RBM20: variants seen among roughly 807,000 people sequenced by gnomAD.
The protein encoded by RBM20 is RNA binding motif protein 20.
Under a neutral mutation model 110.1 loss-of-function variants are expected in RBM20, and 51 were observed. The observed-to-expected ratio is 0.46, with a 90% confidence interval of 0.37 to 0.59. The LOEUF (loss-of-function observed/expected upper bound fraction) is 0.59. RBM20 is among the 20% of genes least tolerant of loss of function. The pLI, the probability that RBM20 is intolerant of heterozygous loss-of-function variation, is 0.00. For synonymous variants in RBM20, 589 were observed against 618.2 expected, an observed-to-expected ratio of 0.95 and a Z score of 0.70; for missense variants, 1,512 against 1,574.9, an observed-to-expected ratio of 0.96 and a Z score of 0.68.
chr10:110,660,950 A>C (rs1294171088), intron 1 of RBM20, among the ~76,000 whole-genome samples: 9 of 151,976 alleles, frequency 5.9e-5, no homozygotes, highest in Non-Finnish European at 1.3e-4. Context: ...TAATTTACTC[A>C]TTTATTATGT....
intron 10 of RBM20, among the ~76,000 whole-genome samples, chr10:110,820,416 G>C (rs1395787700): frequency 6.6e-6 from 1 of 152,174 alleles, no homozygotes; most frequent in East Asian, 1.9e-4. Flanking sequence ...CCAGCAATTT[G>C]GCTGTGTTCC....
chr10:110,658,993 C>T (rs1238026556), intron 1 of RBM20, among the ~76,000 whole-genome samples: 1 of 152,184 alleles, frequency 6.6e-6, no homozygotes, highest in Non-Finnish European at 1.5e-5. Flanking sequence ...CATGCAAAGT[C>T]CTTGCAGTCA....
chr10:110,829,179 C>T (rs916876451), intron 12 of RBM20, among the ~76,000 whole-genome samples: 1 of 152,186 alleles, frequency 6.6e-6, no homozygotes, highest in Non-Finnish European at 1.5e-5. Flanking sequence ...GCGGGGGTCT[C>T]GGCTCCCTGC....
chr10:110,768,216 C>T (rs1006332092), intron 1 of RBM20, among the ~76,000 whole-genome samples: 7 of 150,932 alleles, frequency 4.6e-5, no homozygotes, highest in African/African-American at 1.5e-4. Context: ...AGAGGTAGAC[C>T]GTGGAAAGAG....
intron 1 of RBM20, among the ~76,000 whole-genome samples, chr10:110,645,058 C>A (rs1430178166): frequency 6.6e-6 from 1 of 152,176 alleles, no homozygotes; most frequent in African/African-American, 2.4e-5. Flanking sequence ...TTAAACCACC[C>A]TTCATGGTGC....
At chr10:110,785,068 TTACAGGTGGC>T (rs1440924196) in intron 5 of RBM20, among the ~76,000 whole-genome samples, 179 bp downstream of exon 5, 4 of 152,144 alleles carry the variant, frequency 2.6e-5, no homozygotes, top group Non-Finnish European at 5.9e-5. Flanking sequence ...AGTGCTGGAA[TTACAGGTGGC>T]CAAAGTGCTA....
At chr10:110,795,005 A>G (rs1844531695) in intron 5 of RBM20, among the ~76,000 whole-genome samples, 1 of 152,234 alleles carries the variant, frequency 6.6e-6, no homozygotes, top group Non-Finnish European at 1.5e-5. Context: ...CAGGAGCAGG[A>G]TAGGCCTGGA....
At chr10:110,706,437 C>T (rs181275740) in intron 1 of RBM20, among the ~76,000 whole-genome samples, 48 of 152,362 alleles carry the variant, frequency 3.2e-4, no homozygotes, top group Non-Finnish European at 4.8e-4. Context: ...TGGAGCTCAG[C>T]GTGACCAGTC....
chr10:110,787,418 G>A (rs1160696558), intron 5 of RBM20, among the ~76,000 whole-genome samples: 1 of 152,154 alleles, frequency 6.6e-6, no homozygotes, highest in Admixed American at 6.5e-5. Flanking sequence ...AGTAACGAGC[G>A]CTTTTAACCC....
intron 1 of RBM20, among the ~76,000 whole-genome samples, 198 bp from the exon 2 acceptor site, chr10:110,780,603 A>G (rs1404992104): frequency 7.0e-6 from 1 of 142,740 alleles, no homozygotes; most frequent in African/African-American, 2.6e-5. Flanking sequence ...GTTCTGTCAT[A>G]TAATTTTTCC....
intron 1 of RBM20, among the ~76,000 whole-genome samples, chr10:110,738,083 G>A (rs1226722546): frequency 6.6e-6 from 1 of 152,176 alleles, no homozygotes; most frequent in Non-Finnish European, 1.5e-5. Context: ...TTCTGCTTTT[G>A]TGCCAGCATT....
chr10:110,787,333 G>T (rs1260906532), intron 5 of RBM20, among the ~76,000 whole-genome samples: 1 of 152,222 alleles, frequency 6.6e-6, no homozygotes, highest in Non-Finnish European at 1.5e-5. Flanking sequence ...CCCTTGTGAG[G>T]ATCAGATGAG....
intron 1 of RBM20, among the ~76,000 whole-genome samples, chr10:110,681,778 C>G (rs1378462816): frequency 2.6e-5 from 4 of 152,162 alleles, no homozygotes; most frequent in Admixed American, 6.5e-5. Flanking sequence ...TTATCACAAC[C>G]AAGAAAAGAA....
chr10:110,797,571 A>C lies in RBM20; in HGVS notation c.1591A>C (p.Thr531Pro), dbSNP rs1410647366. ...HICNLPEGSCTENDVINLGLP... is the reference protein window; with the variant it reads ...HICNLPEGSCPENDVINLGLP... ...CTGCAATCTCCCTGAAGGAAGCTGC[A>C]CTGAGAATGACGTCATTAACCTGGG... is the stretch of plus-strand genomic sequence containing the variant. The change falls in exon 6 of 14, where the codon ACT (threonine) becomes CCT (proline). Residue 531 changes from threonine (T) to proline (P), a missense_variant. Physicochemically the swap from Thr to Pro is conservative, Grantham distance 38 (BLOSUM62 -1). Transcript: ENST00000369519. The C allele has an allele frequency of 6.4e-7, 1 of 1,551,744 alleles. No homozygotes were observed. Among genetic ancestry groups the C allele is most frequent in the East Asian group, 2.4e-5 (1 of 40,918 alleles).
intron 1 of RBM20, among the ~76,000 whole-genome samples, chr10:110,677,294 C>G (rs1862352772): frequency 6.6e-6 from 1 of 150,878 alleles, no homozygotes; most frequent in Non-Finnish European, 1.5e-5. Context: ...ACCCAGTCAC[C>G]TCTTAAAGGC....
chr10:110,838,693 C>T lies in RBM20; in HGVS notation c.*2715C>T, dbSNP rs1845166163. ...GCATTTCCATGGAAATCCAGATGGTCGTGTAGTGTTATGGCTCTCTTGTGA... is the reference window on the plus strand; with the variant it reads ...GCATTTCCATGGAAATCCAGATGGTTGTGTAGTGTTATGGCTCTCTTGTGA... On this transcript the variant is annotated 3_prime_UTR_variant, in exon 14 of 14. Coordinates refer to ENST00000369519, the MANE Select transcript of RBM20 (RefSeq NM_001134363.3). The T allele has an allele frequency of 7.2e-6, 1 of 139,780 alleles. No homozygotes were observed. The allele number at this position is 139,780 out of a possible 1,614,324, so 8.7% of individuals were successfully genotyped here. A position where few individuals can be genotyped will look rare whatever the true frequency, so the allele number is the denominator to read the frequency against.
intron 1 of RBM20, among the ~76,000 whole-genome samples, chr10:110,750,974 C>T (rs1314832069): frequency 7.0e-6 from 1 of 143,882 alleles, no homozygotes; most frequent in Non-Finnish European, 1.5e-5. Context: ...ACCACTTCTG[C>T]CTGAGTTTTC....
At chr10:110,784,672 C>T (rs908996189) in intron 4 of RBM20, 120 bp from the exon 5 acceptor site, 1 of 744,788 alleles carries the variant, frequency 1.3e-6, no homozygotes, top group Non-Finnish European at 2.4e-6. Context: ...TACAATCATG[C>T]CAATCACTAA....
intron 9 of RBM20, among the ~76,000 whole-genome samples, chr10:110,817,824 G>A (rs1844858665): frequency 6.6e-6 from 1 of 152,192 alleles, no homozygotes; most frequent in Non-Finnish European, 1.5e-5. Context: ...AGCAGCTCCA[G>A]GGCTCCAGCG....
Sources: gnomAD v4.1 joint callset for allele counts (sites outside exome capture counted in the v4.1 genomes callset) on GRCh38, gnomAD v4.1.1 for gene constraint, MANE v1.5 for transcripts, NCBI Gene and HGNC (gene_info 2026-07-23, HGNC 2026-07-21) for gene names.